Variants in RUSF1 observed in about 807,000 individuals in gnomAD.
RUSF1 encodes the protein RUS family member 1.
A neutral mutation model predicts 63.0 loss-of-function variants in RUSF1; 58 were observed. That is an observed-to-expected ratio of 0.92 (90% CI 0.75 to 1.15). The LOEUF is 1.15. Ranked by LOEUF, RUSF1 falls within the 50% of genes most tolerant of loss-of-function variation. The pLI, the probability that RUSF1 is intolerant of heterozygous loss-of-function variation, is 0.00. For missense variants in RUSF1, 652 were observed against 611.0 expected (o/e 1.07, Z -0.71); for synonymous variants, 274 against 255.8 (o/e 1.07, Z -0.68).
At chr16:31,493,578 G>T in intron 8 of RUSF1, 25 bp downstream of exon 8, 1 of 1,614,168 alleles carries the variant, frequency 6.2e-7, no homozygotes, top group Non-Finnish European at 8.5e-7. Context: ...TGAGACACAG[G>T]ACCCGAGACC....
rs1336024281 is a variant in RUSF1 at position 31,490,403 on chromosome 16, C to T, written c.*432G>A. 1.1e-5 allele frequency: 17 copies of T among 1,613,530 alleles called. No individual in the cohort carries two copies. The highest frequency in any genetic ancestry group is 6.6e-5 in the South Asian group (6 of 90,952). ...GGGTGGGCAGTCCTCCGCCCCTTAC[C>T]CAGGAGGAGGCAGCGGCAGCAGCCA... On this transcript the variant is annotated 3_prime_UTR_variant, in exon 13 of 13. Transcript: ENST00000327237.
chr16:31,493,324 C>T (rs1418938513), intron 9 of RUSF1, 143 bp downstream of exon 9: 2 of 1,159,914 alleles, frequency 1.7e-6, no homozygotes, highest in East Asian at 2.6e-5. Context: ...TCCTCACACA[C>T]CCACACCAAC....
At chr16:31,491,662 C>G (rs2082569374) in intron 12 of RUSF1, among the ~76,000 whole-genome samples, 1 of 150,110 alleles carries the variant, frequency 6.7e-6, no homozygotes, top group Non-Finnish European at 1.5e-5. Context: ...GCTCTGTCAC[C>G]CAGGCTGGTA....
chr16:31,489,637 C>T lies in RUSF1; in HGVS notation c.*1198G>A, dbSNP rs371730747. 1.2e-4 allele frequency: 67 copies of T among 537,954 alleles called. No individual in the cohort carries two copies. Among genetic ancestry groups the T allele is most frequent in the Non-Finnish European group, 2.0e-4 (61 of 298,154 alleles). 33.3% of individuals were successfully genotyped at this position (537,954 alleles called of 1,614,324 possible). Reference sequence around the variant, plus strand: ...CTGGTGGGCACAATACCATCTTGAACGCCCACAAAAAGGTTTGGTTTTGTT... The same window carrying T: ...CTGGTGGGCACAATACCATCTTGAATGCCCACAAAAAGGTTTGGTTTTGTT... On this transcript the variant is annotated 3_prime_UTR_variant, in exon 13 of 13. Transcript: ENST00000327237.
intron 12 of RUSF1, 107 bp from the exon 13 acceptor site, chr16:31,491,039 C>T (rs2082563617): frequency 9.8e-7 from 1 of 1,024,962 alleles, no homozygotes; most frequent in African/African-American, 1.6e-5. Context: ...ACTGCCTCTG[C>T]TGGGTGAGTA....
intron 12 of RUSF1, 58 bp from the exon 13 acceptor site, chr16:31,490,990 A>C (rs1819706590): frequency 6.5e-7 from 1 of 1,550,348 alleles, no homozygotes; most frequent in Non-Finnish European, 8.9e-7. Context: ...AAGGAGAGGC[A>C]CAGGCTGGGT....
intron 2 of RUSF1, among the ~76,000 whole-genome samples, chr16:31,506,142 T>C (rs1434890780): frequency 6.6e-6 from 1 of 152,252 alleles, no homozygotes; most frequent in Non-Finnish European, 1.5e-5. Flanking sequence ...AACCAGATTG[T>C]CCACGTGTGG....
rs545617582 is a variant in RUSF1, at chr16:31,504,720, G to A, written c.415+3044C>T. Among the ~76,000 whole-genome samples, 5 of 152,336 alleles carry A rather than the reference G, an allele frequency of 3.3e-5. No homozygotes were observed. In the South Asian group the frequency reaches 1.0e-3, roughly 32 times the overall value. On this transcript the variant is annotated intron_variant, in intron 2 of 12. Transcript: ENST00000327237. ...TCTTGTAGGGAAAAGAAAGAGATCA[G>A]ACTGTTACTGTGTCTATGTAGAAGA...
intron 3 of RUSF1, among the ~76,000 whole-genome samples, chr16:31,500,300 C>G (rs2082626071): frequency 6.6e-6 from 1 of 152,222 alleles, no homozygotes; most frequent in African/African-American, 2.4e-5. Context: ...GTTGAGGGTT[C>G]TGCCCAGTGA....
chr16:31,507,655 G>T, intron 2 of RUSF1, 109 bp downstream of exon 2: 2 of 1,022,266 alleles, frequency 2.0e-6, no homozygotes, highest in Non-Finnish European at 2.9e-6. Context: ...GGGGAGACCT[G>T]CCTGAATTCT....
At chr16:31,505,938 A>G (rs2082656706) in intron 2 of RUSF1, among the ~76,000 whole-genome samples, 1 of 152,210 alleles carries the variant, frequency 6.6e-6, no homozygotes, top group African/African-American at 2.4e-5. Context: ...TGCTGCTGCT[A>G]TGGTTCAGAA....
chr16:31,494,587 T>C (rs1363545551), intron 6 of RUSF1, among the ~76,000 whole-genome samples: 4 of 152,116 alleles, frequency 2.6e-5, no homozygotes, highest in Admixed American at 2.0e-4. Context: ...AGTGATACCC[T>C]GTCTAAATAC....
rs771664496 is a variant in RUSF1 at position 31,492,034 on chromosome 16, G to A, written c.1284C>T (p.Asp428=). ...CTTTCAAGAACTTTGGGAACAGCAT[G>A]TCCAACACTTCGTGTGTCTCCTTGA... ...VVVKETHEVL[D]MLFPKFLKGL... The change falls in exon 12 of 13, where the codon GAC becomes GAT. Residue 428 remains aspartate (D), a synonymous_variant. Transcript: ENST00000327237. 8.7e-6 allele frequency: 14 copies of A among 1,614,050 alleles called. No homozygotes were observed. The highest frequency in any genetic ancestry group is 1.1e-5 in the Non-Finnish European group (13 of 1,180,010).
chr16:31,496,182 C>G (rs906453204), intron 6 of RUSF1, among the ~76,000 whole-genome samples: 1 of 152,034 alleles, frequency 6.6e-6, no homozygotes, highest in Non-Finnish European at 1.5e-5. Context: ...CTCCTGAGCT[C>G]GAGGCTGGGA....
chr16:31,498,481 TTTAAG>T (rs1458677639), intron 5 of RUSF1, among the ~76,000 whole-genome samples: 1 of 152,200 alleles, frequency 6.6e-6, no homozygotes, highest in Non-Finnish European at 1.5e-5. Flanking sequence ...CTAACGTGAT[TTTAAG>T]TTGACACATG....
rs766902069 is a variant in RUSF1, at chr16:31,492,114, C to A, written c.1232-28G>T. ...GGGTACGGGGGTGCAGAACCAGAAGCTCTGTGTCCTCCAGCAGGACAGAGT... is the reference window on the plus strand; with the variant it reads ...GGGTACGGGGGTGCAGAACCAGAAGATCTGTGTCCTCCAGCAGGACAGAGT... On this transcript the variant is annotated intron_variant, in intron 11 of 12. Coordinates refer to ENST00000327237, the MANE Select transcript of RUSF1 (RefSeq NM_022744.4). 3.1e-6 allele frequency: 5 copies of A among 1,613,968 alleles called. No individual in the cohort carries two copies. The Admixed American group carries it at 6.7e-5, about 22-fold the overall frequency.
chr16:31,499,052 A>C (rs886131206), intron 5 of RUSF1, among the ~76,000 whole-genome samples: 5 of 152,234 alleles, frequency 3.3e-5, no homozygotes, highest in Non-Finnish European at 5.9e-5. Context: ...TCAACATTGG[A>C]CAACCCCTTC....
At chr16:31,490,970 G>A (rs766944574) in intron 12 of RUSF1, 38 bp from the exon 13 acceptor site, 1 of 1,602,574 alleles carries the variant, frequency 6.2e-7, no homozygotes, top group Non-Finnish European at 8.5e-7. Flanking sequence ...GGAATGCTGG[G>A]GACAAGGGTA....
At position 31,499,536 on chromosome 16, in the gene RUSF1, G is replaced by A; in HGVS notation, c.462-11C>T. On this transcript the variant is annotated splice_polypyrimidine_tract_variant and intron_variant, in intron 3 of 12. Coordinates refer to ENST00000327237, the MANE Select transcript of RUSF1 (RefSeq NM_022744.4). The stretch of plus-strand genomic sequence containing the variant: ...CAGTCCAGTTTGCTCCTGTTGGGGA[G>A]GAGAGGTTGTTGTAATTTGGACTTA... 1.9e-6 allele frequency: 3 copies of A among 1,599,310 alleles called. No homozygotes were observed. The highest frequency in any genetic ancestry group is 2.6e-6 in the Non-Finnish European group (3 of 1,172,780).
Sources: allele counts gnomAD v4.1 joint callset (sites outside exome capture counted in the v4.1 genomes callset), GRCh38; gene constraint gnomAD v4.1.1; transcripts MANE v1.5; gene names NCBI Gene and HGNC (gene_info 2026-07-23, HGNC 2026-07-21).